The following MKLN1 variants were observed in gnomAD, a reference collection of about 807,000 sequenced individuals.
MKLN1 encodes the protein muskelin.
Under a neutral mutation model 99.0 loss-of-function variants are expected in MKLN1, and 18 were observed. The ratio of observed to expected loss-of-function variants is 0.18; its 90% CI spans 0.13 to 0.27. MKLN1 has a LOEUF of 0.27. Among genes scored for constraint, MKLN1 ranks in the 10% least tolerant of loss-of-function variants. The probability of loss-of-function intolerance (pLI) is 1.00; values close to 1 mark genes in which losing one functional copy is unlikely to be tolerated. For synonymous variants in MKLN1, 288 were observed against 293.2 expected (o/e 0.98, Z 0.18); for missense variants, 621 against 875.9 (o/e 0.71, Z 3.67).
chr7:131,264,012 G>A (rs962821553), intron 3 of MKLN1, among the ~76,000 whole-genome samples: 2 of 152,136 alleles, frequency 1.3e-5, no homozygotes, highest in African/African-American at 2.4e-5. Flanking sequence ...CTTCTGTATG[G>A]AGTAGACACA....
At chr7:131,361,378 C>CT (rs1308684894) in intron 1 of MKLN1, among the ~76,000 whole-genome samples, 1 of 151,678 alleles carries the variant, frequency 6.6e-6, no homozygotes, top group Non-Finnish European at 1.5e-5. Context: ...TTTAAGCTCA[C>CT]TGATTCTTTC....
intron 17 of MKLN1, among the ~76,000 whole-genome samples, chr7:131,482,853 C>T (rs922049641): frequency 2.0e-5 from 3 of 152,200 alleles, no homozygotes; most frequent in Non-Finnish European, 2.9e-5. Flanking sequence ...TGTCTTAACG[C>T]ATGATTATCC....
intron 1 of MKLN1, among the ~76,000 whole-genome samples, chr7:131,344,520 T>C (rs1230772088): frequency 6.6e-6 from 1 of 152,222 alleles, no homozygotes; most frequent in Non-Finnish European, 1.5e-5. Flanking sequence ...AATTCAGGCA[T>C]GCTTATCCCT....
chr7:131,119,346 C>T (rs1319173230), intron 1 of MKLN1, among the ~76,000 whole-genome samples: 1 of 152,270 alleles, frequency 6.6e-6, no homozygotes, highest in South Asian at 2.1e-4. Context: ...GCAGCTCCAC[C>T]ACTGTGGCTC....
intron 1 of MKLN1, among the ~76,000 whole-genome samples, chr7:131,354,293 A>G (rs1799808726): frequency 6.6e-6 from 1 of 151,956 alleles, no homozygotes; most frequent in South Asian, 2.1e-4. Flanking sequence ...GTCTTCTTCA[A>G]TTTCTTTTAT....
At chr7:131,357,315 T>C (rs1174324726) in intron 1 of MKLN1, among the ~76,000 whole-genome samples, 2 of 152,246 alleles carry the variant, frequency 1.3e-5, no homozygotes, top group African/African-American at 4.8e-5. Context: ...GCCCCTCTAC[T>C]GGAGTTTGGG....
chr7:131,444,814 T>A (rs1584750317), intron 11 of MKLN1, among the ~76,000 whole-genome samples: 1 of 143,240 alleles, frequency 7.0e-6, no homozygotes, highest in African/African-American at 2.6e-5. Context: ...GTAGTAGTAG[T>A]AGTAGTAGAA....
At chr7:131,470,439 A>G (rs919061694) in intron 15 of MKLN1, among the ~76,000 whole-genome samples, 6 of 152,190 alleles carry the variant, frequency 3.9e-5, no homozygotes, top group Admixed American at 3.3e-4. Flanking sequence ...AAAATACACA[A>G]ATCTAAGCAA....
At position 131,438,129 on chromosome 7, in the gene MKLN1, A is replaced by G. The variant is rs151035434; in HGVS notation, c.1173+132A>G. The G allele has an allele frequency of 1.2e-4, 86 of 703,508 alleles. 1 individual carries two copies. The South Asian group carries it at 1.5e-3, about 12-fold the overall frequency. The allele number at this position is 703,508 out of a possible 1,614,324, so 43.6% of individuals were successfully genotyped here. On this transcript the variant is annotated intron_variant, in intron 10 of 17. Transcript: ENST00000352689. ...TGACAAATATCTATTGACAGTAATA[A>G]TTGTTGTTTCAGTAGGTATAAAGTT...
chr7:131,424,413 A>G (rs1200512392), intron 8 of MKLN1, among the ~76,000 whole-genome samples: 1 of 152,206 alleles, frequency 6.6e-6, no homozygotes, highest in African/African-American at 2.4e-5. Flanking sequence ...TTACAAAAGT[A>G]GTGTGCCATC....
chr7:131,358,471 A>G (rs1212538099), intron 1 of MKLN1, among the ~76,000 whole-genome samples: 1 of 152,166 alleles, frequency 6.6e-6, no homozygotes, highest in Non-Finnish European at 1.5e-5. Context: ...CCATATTCAT[A>G]AGAGATTGGC....
At chr7:131,300,058 C>T (rs1798353160) in intron 3 of MKLN1, among the ~76,000 whole-genome samples, 1 of 152,034 alleles carries the variant, frequency 6.6e-6, no homozygotes, top group South Asian at 2.1e-4. Context: ...TTATAACTAT[C>T]TGACAATGCT....
chr7:131,234,937 G>A (rs959646342), intron 3 of MKLN1, among the ~76,000 whole-genome samples: 3 of 152,112 alleles, frequency 2.0e-5, no homozygotes, highest in African/African-American at 4.8e-5. Context: ...AAAGCATCCC[G>A]CAAGGCCCAG....
intron 9 of MKLN1, among the ~76,000 whole-genome samples, chr7:131,431,970 C>A (rs921491370): frequency 6.6e-6 from 1 of 152,174 alleles, no homozygotes; most frequent in Admixed American, 6.5e-5. Context: ...TCAGTTCAGA[C>A]TTCACTTTCT....
chr7:131,395,434 C>T (rs1794329554), intron 4 of MKLN1, among the ~76,000 whole-genome samples: 1 of 142,650 alleles, frequency 7.0e-6, no homozygotes, highest in African/African-American at 2.7e-5. Context: ...TTTTTCTGTG[C>T]CATTGGTAAA....
chr7:131,259,840 A>C (rs760334462), intron 3 of MKLN1, among the ~76,000 whole-genome samples: 23 of 152,238 alleles, frequency 1.5e-4, no homozygotes, highest in Non-Finnish European at 2.9e-4. Context: ...AACTCCTGGA[A>C]GTCCTAGCCA....
At chr7:131,241,132 C>T (rs1480126261) in intron 3 of MKLN1, among the ~76,000 whole-genome samples, 1 of 152,158 alleles carries the variant, frequency 6.6e-6, no homozygotes, top group African/African-American at 2.4e-5. Context: ...GATCCCAGCA[C>T]TTTGGGAGGC....
intron 1 of MKLN1, among the ~76,000 whole-genome samples, chr7:131,332,518 TTTA>T (rs1294082975): frequency 2.0e-5 from 3 of 150,294 alleles, no homozygotes; most frequent in Non-Finnish European, 4.4e-5. Flanking sequence ...ATGCTCTATG[TTTA>T]TTATCGAATA....
chr7:131,271,780 G>A (rs555061335), intron 3 of MKLN1, among the ~76,000 whole-genome samples: 123 of 151,990 alleles, frequency 8.1e-4, no homozygotes, highest in Admixed American at 2.2e-3. Flanking sequence ...GTGGTGGTGC[G>A]CACCTGCTGT....
Sources: gnomAD v4.1 joint callset for allele counts (sites outside exome capture counted in the v4.1 genomes callset) on GRCh38, gnomAD v4.1.1 for gene constraint, MANE v1.5 for transcripts, NCBI Gene and HGNC (gene_info 2026-07-23, HGNC 2026-07-21) for gene names.